The following SNUPN variants were observed in gnomAD, a reference collection of about 807,000 sequenced individuals.
SNUPN encodes snurportin 1.
SNUPN carries 31 observed loss-of-function variants against 39.2 expected under a neutral mutation model. That is an observed-to-expected ratio of 0.79 (90% CI 0.59 to 1.07). SNUPN has a LOEUF of 1.07. SNUPN is among the 50% of genes least tolerant of loss of function. The probability of loss-of-function intolerance (pLI) is 0.00; values close to 1 mark genes in which losing one functional copy is unlikely to be tolerated. For missense variants in SNUPN, 382 were observed against 434.2 expected (o/e 0.88, Z 1.07); for synonymous variants, 132 against 159.0 (o/e 0.83, Z 1.28).
At chr15:75,606,870 C>A (rs1458074242) in intron 6 of SNUPN, among the ~76,000 whole-genome samples, 1 of 152,004 alleles carries the variant, frequency 6.6e-6, no homozygotes, top group African/African-American at 2.4e-5. Flanking sequence ...AGGTGGCATC[C>A]CCACCCCCTT....
intron 2 of SNUPN, among the ~76,000 whole-genome samples, chr15:75,619,291 A>T (rs1227488574): frequency 6.6e-6 from 1 of 151,846 alleles, no homozygotes; most frequent in East Asian, 1.9e-4. Flanking sequence ...AGAGTCAAAA[A>T]AAAAAAAAGC....
Position 75,598,701 on chromosome 15 carries a change from T to C in SNUPN, c.760-20A>G. 6.4e-7 allele frequency: 1 copy of C among 1,569,356 alleles called. No homozygotes were observed. Among genetic ancestry groups the C allele is most frequent in the African/African-American group, 1.4e-5 (1 of 73,960 alleles). ...ATCTACCTATAAGACAAGGGGAAATTGAGGATCAAATGACTTCTGGGGCCA... is the reference window on the plus strand; with the variant it reads ...ATCTACCTATAAGACAAGGGGAAATCGAGGATCAAATGACTTCTGGGGCCA... On this transcript the variant is annotated intron_variant, in intron 8 of 8. Coordinates refer to ENST00000308588, the MANE Select transcript of SNUPN (RefSeq NM_005701.4).
At chr15:75,620,791 G>C in intron 2 of SNUPN, 103 bp downstream of exon 2, 1 of 1,013,008 alleles carries the variant, frequency 9.9e-7, no homozygotes, top group South Asian at 1.7e-5. Flanking sequence ...CCTACAAAGA[G>C]TCTACTTTGA....
chr15:75,609,174 C>CTTTT (rs1205961290), intron 5 of SNUPN, among the ~76,000 whole-genome samples: 13 of 89,678 alleles, frequency 1.4e-4, no homozygotes, highest in Non-Finnish European at 2.9e-4. Context: ...CAAAGTGGGT[C>CTTTT]TTTTTTTTTT....
rs761895779 is a variant in SNUPN, at chr15:75,601,155, T to C, written c.742A>G (p.Met248Val). The part of the protein sequence containing the change: ...TPESLCDVLS[M>V]DFPFEVDGLL... ...TTCGTTACCTCAAAAGGGAAATCCATAGATAGCACATCACACAGGCTTTCG... is the reference window on the plus strand; with the variant it reads ...TTCGTTACCTCAAAAGGGAAATCCACAGATAGCACATCACACAGGCTTTCG... Residue 248 changes from methionine to valine, a missense_variant, in exon 8 of 9, where the codon ATG (methionine) becomes GTG (valine). Met to Val is a conservative substitution (Grantham distance 21). Coordinates refer to ENST00000308588, the MANE Select transcript of SNUPN (RefSeq NM_005701.4). The C allele has an allele frequency of 8.7e-6, 14 of 1,613,254 alleles. No individual in the cohort carries two copies. Among genetic ancestry groups the C allele is most frequent in the South Asian group, 2.2e-5 (2 of 91,062 alleles).
intron 3 of SNUPN, among the ~76,000 whole-genome samples, chr15:75,614,505 T>C (rs972951485): frequency 1.3e-5 from 2 of 152,134 alleles, no homozygotes; most frequent in African/African-American, 4.8e-5. Flanking sequence ...TCATGCTAAG[T>C]AAAAGAAGCC....
chr15:75,617,018 G>C (rs1398007093), intron 3 of SNUPN, among the ~76,000 whole-genome samples: 2 of 152,228 alleles, frequency 1.3e-5, no homozygotes, highest in Non-Finnish European at 2.9e-5. Context: ...GAAGTGGAAG[G>C]AGTCAGTGGT....
rs1004380299 is a variant in SNUPN, at chr15:75,617,547, C to T, written c.164G>A (p.Arg55Gln). The T allele has an allele frequency of 9.3e-6, 15 of 1,605,666 alleles. No homozygotes were observed. The highest frequency in any genetic ancestry group is 5.2e-5 in the Admixed American group (3 of 57,500). Residue 55 changes from arginine to glutamine, a missense_variant, in exon 3 of 9, where the codon CGG (arginine) becomes CAG (glutamine). By Grantham distance (43) the Arg-to-Gln change is conservative. Coordinates refer to ENST00000308588, the MANE Select transcript of SNUPN (RefSeq NM_005701.4). ...TCTGGCATGGTTCACATAATCCAGCCGCTTGCTGGAAGGAAAAAAAAGGCA... is the reference window on the plus strand; with the variant it reads ...TCTGGCATGGTTCACATAATCCAGCTGCTTGCTGGAAGGAAAAAAAAGGCA... ...RRLLELQKSK[R>Q]LDYVNHARRL...
rs923188305 is a variant in SNUPN, at chr15:75,608,787, C to T, written c.502+771G>A. On this transcript the variant is annotated intron_variant, in intron 5 of 8. Coordinates refer to ENST00000308588, the MANE Select transcript of SNUPN (RefSeq NM_005701.4). ...TTATTCTGCAACTGGGGACGCTTGA[C>T]CTTGAAGGGGAGGTCCTTGGTCCAG... Among the ~76,000 whole-genome samples the T allele has an allele frequency of 3.9e-5, 6 of 152,244 alleles. No individual in the cohort carries two copies. In the South Asian group the frequency reaches 6.2e-4, roughly 16 times the overall value.
chr15:75,607,377 A>G, intron 5 of SNUPN, 64 bp from the exon 6 acceptor site: 1 of 1,081,806 alleles, frequency 9.2e-7, no homozygotes, highest in East Asian at 2.4e-5. Context: ...CTCCACCACA[A>G]CCTAGGGAGC....
intron 1 of SNUPN, chr15:75,625,285 C>T (rs1488989144): frequency 1.3e-5 from 2 of 149,060 alleles, no homozygotes; most frequent in Non-Finnish European, 3.0e-5. Flanking sequence ...TCCGGCGCCC[C>T]CGCCTCGCGT....
intron 3 of SNUPN, among the ~76,000 whole-genome samples, chr15:75,611,387 G>A (rs1414750825): frequency 1.3e-5 from 2 of 150,390 alleles, no homozygotes; most frequent in Middle Eastern, 3.4e-3. Flanking sequence ...CGAGTAGCTG[G>A]GACTACAGTC....
chr15:75,625,971 C>A (rs1310382603), upstream of SNUPN: 1 of 152,350 alleles, frequency 6.6e-6, no homozygotes, highest in Non-Finnish European at 1.5e-5. Context: ...GCCGAGGCCT[C>A]CCTCCTGAAC....
intron 7 of SNUPN, among the ~76,000 whole-genome samples, chr15:75,603,454 G>T (rs2075306685): frequency 6.7e-6 from 1 of 148,382 alleles, no homozygotes; most frequent in South Asian, 2.2e-4. Context: ...AAGGTCAGGA[G>T]ATCGACACCA....
chr15:75,598,829 C>G lies in SNUPN; in HGVS notation c.760-148G>C, dbSNP rs151268615. The stretch of plus-strand genomic sequence containing the variant: ...AAGAGTCCCAGCTTCTCACACATGC[C>G]GTTTCTCTAAATAAAGAAATGGCCT... On this transcript the variant is annotated intron_variant, in intron 8 of 8. Transcript: ENST00000308588. The G allele has an allele frequency of 1.4e-5, 8 of 563,320 alleles. No homozygotes were observed. In the African/African-American group the frequency reaches 1.5e-4, roughly 11 times the overall value. The allele number at this position is 563,320 out of a possible 1,614,324, so 34.9% of individuals were successfully genotyped here.
intron 2 of SNUPN, among the ~76,000 whole-genome samples, chr15:75,619,054 A>G (rs906382214): frequency 1.4e-5 from 2 of 140,282 alleles, no homozygotes; most frequent in Admixed American, 7.2e-5. Flanking sequence ...AAAAAAAGCC[A>G]GGTGCAGTGG....
chr15:75,602,691 A>C (rs2075298495), intron 7 of SNUPN, among the ~76,000 whole-genome samples: 1 of 150,430 alleles, frequency 6.6e-6, no homozygotes, highest in African/African-American at 2.4e-5. Flanking sequence ...CTGCAGCCTC[A>C]ACCTCTTGGG....
chr15:75,608,858 G>T (rs1892697392), intron 5 of SNUPN, among the ~76,000 whole-genome samples: 1 of 152,106 alleles, frequency 6.6e-6, no homozygotes, highest in Non-Finnish European at 1.5e-5. Context: ...AAGCTTTCAG[G>T]CCGGGTGCAG....
chr15:75,615,640 C>T (rs1426669724), intron 3 of SNUPN, among the ~76,000 whole-genome samples: 3 of 119,828 alleles, frequency 2.5e-5, no homozygotes, highest in Admixed American at 1.2e-4. Context: ...CTCGCTCTGT[C>T]GCCCAGGCTG....
Sources: allele counts gnomAD v4.1 joint callset (sites outside exome capture counted in the v4.1 genomes callset), GRCh38; gene constraint gnomAD v4.1.1; transcripts MANE v1.5; gene names NCBI Gene and HGNC (gene_info 2026-07-23, HGNC 2026-07-21).